Variants in RORB observed in about 807,000 individuals in gnomAD.
The protein encoded by RORB is RAR related orphan receptor B.
In RORB, 6 loss-of-function variants were observed where a neutral mutation model predicts 59.1. That is an observed-to-expected ratio of 0.10 (90% CI 0.06 to 0.20). RORB has a LOEUF of 0.20. Among genes scored for constraint, RORB ranks in the 10% least tolerant of loss-of-function variants. The pLI is 1.00. For synonymous variants in RORB, 215 were observed against 204.5 expected, an observed-to-expected ratio of 1.05 and a Z score of -0.44; for missense variants, 320 against 560.5, an observed-to-expected ratio of 0.57 and a Z score of 4.33.
At chr9:74,680,631 G>A (rs896926220) in intron 9 of RORB, among the ~76,000 whole-genome samples, 2 of 151,978 alleles carry the variant, frequency 1.3e-5, no homozygotes, top group Non-Finnish European at 1.5e-5. Context: ...GTTATAATTC[G>A]AATCCAACTA....
chr9:74,634,556 G>A, intron 2 of RORB, 75 bp from the exon 3 acceptor site: 1 of 1,330,540 alleles, frequency 7.5e-7, no homozygotes, highest in Non-Finnish European at 1.0e-6. Context: ...AGAAAATGTA[G>A]CAAATGTATA....
chr9:74,537,415 A>C (rs1826336674), intron 1 of RORB, among the ~76,000 whole-genome samples: 1 of 151,956 alleles, frequency 6.6e-6, no homozygotes. Context: ...GAAAGTCCCC[A>C]CAGCATCTCC....
intron 4 of RORB, among the ~76,000 whole-genome samples, chr9:74,645,205 A>G (rs1425141822): frequency 6.6e-6 from 1 of 152,206 alleles, no homozygotes; most frequent in Non-Finnish European, 1.5e-5. Context: ...TCATTAAAAC[A>G]GCAATGCCAC....
chr9:74,568,561 G>A (rs1367878936), intron 1 of RORB, among the ~76,000 whole-genome samples: 3 of 151,846 alleles, frequency 2.0e-5, no homozygotes, highest in Non-Finnish European at 2.9e-5. Context: ...TTAGCCAGGT[G>A]TGGTGGTGGG....
At chr9:74,620,250 T>G (rs972739419) in intron 1 of RORB, among the ~76,000 whole-genome samples, 2 of 152,194 alleles carry the variant, frequency 1.3e-5, no homozygotes, top group Non-Finnish European at 2.9e-5. Flanking sequence ...GGAATTCAAC[T>G]TCTTCCTGGT....
chr9:74,639,461 T>C (rs1823758192), intron 3 of RORB, among the ~76,000 whole-genome samples: 1 of 151,854 alleles, frequency 6.6e-6, no homozygotes. Flanking sequence ...ATATTTCACC[T>C]AAATACAGAG....
intron 7 of RORB, among the ~76,000 whole-genome samples, chr9:74,667,099 C>T (rs918835173): frequency 7.2e-5 from 11 of 152,220 alleles, no homozygotes; most frequent in African/African-American, 2.4e-4. Context: ...CCTTGGCAAG[C>T]AACCTCAGTA....
chr9:74,635,007 T>A (rs1823678529), intron 3 of RORB, among the ~76,000 whole-genome samples: 1 of 152,168 alleles, frequency 6.6e-6, no homozygotes, highest in Non-Finnish European at 1.5e-5. Context: ...TTGTGCTAAC[T>A]AGGTTTAGTG....
chr9:74,581,483 C>T (rs1001153051), intron 1 of RORB, among the ~76,000 whole-genome samples: 1 of 152,154 alleles, frequency 6.6e-6, no homozygotes, highest in African/African-American at 2.4e-5. Context: ...CTTCTATTAA[C>T]AAGTGAGGTT....
intron 1 of RORB, among the ~76,000 whole-genome samples, chr9:74,568,368 A>C (rs112283645): frequency 6.6e-6 from 1 of 152,286 alleles, no homozygotes; most frequent in African/African-American, 2.4e-5. Flanking sequence ...TAGCACAATA[A>C]ATATGACTGT....
chr9:74,647,981 T>A (rs531131427), intron 4 of RORB, among the ~76,000 whole-genome samples: 3 of 152,200 alleles, frequency 2.0e-5, no homozygotes, highest in African/African-American at 7.2e-5. Context: ...TAACTACCCA[T>A]GCAGAAATGG....
At position 74,502,223 on chromosome 9, in the gene RORB, C is replaced by G. The variant is rs895046487; in HGVS notation, c.7+4240C>G. 2.0e-5 allele frequency among the ~76,000 whole-genome samples: 3 copies of G among 152,108 alleles called. No homozygotes were observed. In the South Asian group the frequency reaches 6.2e-4, roughly 32 times the overall value. ...TTCCAAGCCATGAAACCTAATTTTA[C>G]AGGAACAATAATTTTACTACACCAA... On this transcript the variant is annotated intron_variant, in intron 1 of 9. Transcript: ENST00000376896.
chr9:74,616,859 C>A (rs1323833907), intron 1 of RORB, among the ~76,000 whole-genome samples: 2 of 152,052 alleles, frequency 1.3e-5, no homozygotes, highest in Non-Finnish European at 2.9e-5. Flanking sequence ...GACACACACA[C>A]AATTCACTTT....
chr9:74,668,314 G>A (rs1047482573), intron 8 of RORB, among the ~76,000 whole-genome samples: 9 of 152,198 alleles, frequency 5.9e-5, no homozygotes, highest in African/African-American at 2.2e-4. Context: ...ATAAGTAAAA[G>A]GAACACTTTC....
chr9:74,666,901 T>C (rs1824277420), intron 7 of RORB, among the ~76,000 whole-genome samples: 1 of 152,210 alleles, frequency 6.6e-6, no homozygotes, highest in Non-Finnish European at 1.5e-5. Flanking sequence ...GTTTTAACGA[T>C]TGATAGTGCC....
At chr9:74,559,660 T>G (rs1822364585) in intron 1 of RORB, among the ~76,000 whole-genome samples, 1 of 152,176 alleles carries the variant, frequency 6.6e-6, no homozygotes, top group African/African-American at 2.4e-5. Flanking sequence ...CTTTGGACTT[T>G]AAAGATCACT....
At chr9:74,625,971 G>C (rs1027785396) in intron 1 of RORB, among the ~76,000 whole-genome samples, 3 of 152,192 alleles carry the variant, frequency 2.0e-5, no homozygotes, top group Non-Finnish European at 4.4e-5. Flanking sequence ...TCAATGTGAT[G>C]CATTTTCTAG....
At chr9:74,501,930 A>C (rs1825808140) in intron 1 of RORB, among the ~76,000 whole-genome samples, 1 of 152,220 alleles carries the variant, frequency 6.6e-6, no homozygotes. Flanking sequence ...GCATTTACTT[A>C]AAACTTACTA....
chr9:74,684,039 C>G (rs1050204536), intron 9 of RORB, among the ~76,000 whole-genome samples: 1 of 152,184 alleles, frequency 6.6e-6, no homozygotes, highest in African/African-American at 2.4e-5. Context: ...ATTTCTATCT[C>G]TGTCTTTAAA....
Sources: gnomAD v4.1 joint callset for allele counts (sites outside exome capture counted in the v4.1 genomes callset) on GRCh38, gnomAD v4.1.1 for gene constraint, MANE v1.5 for transcripts, NCBI Gene and HGNC (gene_info 2026-07-23, HGNC 2026-07-21) for gene names.